CCNY: variants seen among roughly 807,000 people sequenced by gnomAD.
The protein encoded by CCNY is cyclin-Y.
A neutral mutation model predicts 42.8 loss-of-function variants in CCNY; 19 were observed. The observed-to-expected ratio is 0.44, with a 90% CI of 0.31 to 0.65. The LOEUF (loss-of-function observed/expected upper bound fraction) is 0.65, where lower values mean the gene tolerates loss of function less well. CCNY is among the 30% of genes least tolerant of loss of function. The pLI is 0.07. For synonymous variants in CCNY, 165 were observed against 162.7 expected (o/e 1.01, Z -0.11); for missense variants, 370 against 437.3 (o/e 0.85, Z 1.37).
At position 35,328,083 on chromosome 10, in the gene CCNY, C is replaced by T. The variant is rs139733272; in HGVS notation, c.-9+77457C>T. On this transcript the variant is annotated intron_variant, in intron 3 of 11. Coordinates refer to the CCNY transcript ENST00000374706. Reference sequence around the variant, plus strand: ...TTTGATGTGTGAATATTCCAAATACCACTTCTCAAAGACAAAATGAGATTT... The same window carrying T: ...TTTGATGTGTGAATATTCCAAATACTACTTCTCAAAGACAAAATGAGATTT... 2.0e-5 allele frequency among the ~76,000 whole-genome samples: 3 copies of T among 152,240 alleles called. No individual in the cohort carries two copies. In the East Asian group the frequency reaches 5.8e-4, roughly 29 times the overall value.
chr10:35,265,200 C>T (rs2095723983), intron 3 of CCNY, among the ~76,000 whole-genome samples: 1 of 152,168 alleles, frequency 6.6e-6, no homozygotes, highest in African/African-American at 2.4e-5. Context: ...CAATGAAAAT[C>T]TTCACAATCA....
At chr10:35,453,619 A>G (rs1302081393) in intron 1 of CCNY, among the ~76,000 whole-genome samples, 1 of 152,228 alleles carries the variant, frequency 6.6e-6, no homozygotes, top group African/African-American at 2.4e-5. Flanking sequence ...TGCTTATTGG[A>G]TATCTAAGTT....
chr10:35,347,336 G>C, intron 1 of CCNY: 1 of 438,600 alleles, frequency 2.3e-6, no homozygotes, highest in Non-Finnish European at 3.0e-6. Context: ...ATCCGTGCCA[G>C]TTTGCTTTGT....
chr10:35,306,057 C>A (rs1284548801), intron 3 of CCNY, among the ~76,000 whole-genome samples: 1 of 152,090 alleles, frequency 6.6e-6, no homozygotes, highest in East Asian at 1.9e-4. Flanking sequence ...TTATGAGAGA[C>A]AGAGTCTCAC....
intron 3 of CCNY, among the ~76,000 whole-genome samples, chr10:35,330,724 A>C (rs1179381670): frequency 6.6e-6 from 1 of 151,738 alleles, no homozygotes; most frequent in East Asian, 1.9e-4. Context: ...TATCCTGACC[A>C]TACTCCAAGA....
At chr10:35,328,540 T>G (rs1331979800) in intron 3 of CCNY, among the ~76,000 whole-genome samples, 1 of 152,234 alleles carries the variant, frequency 6.6e-6, no homozygotes, top group East Asian at 1.9e-4. Flanking sequence ...ACTCTGTGGT[T>G]TGTGATACTC....
At chr10:35,444,456 C>G (rs117531114) in intron 1 of CCNY, among the ~76,000 whole-genome samples, 2 of 152,164 alleles carry the variant, frequency 1.3e-5, no homozygotes, top group Admixed American at 1.3e-4. Flanking sequence ...CCATGTTGGT[C>G]TGGCTGGTGT....
chr10:35,375,019 G>A (rs1163482444), intron 1 of CCNY, among the ~76,000 whole-genome samples: 1 of 152,042 alleles, frequency 6.6e-6, no homozygotes, highest in East Asian at 1.9e-4. Context: ...TCTATCTTAT[G>A]AAATGAGTTG....
At chr10:35,455,379 C>T (rs1239220438) in intron 1 of CCNY, 1 of 152,112 alleles carries the variant, frequency 6.6e-6, no homozygotes, top group Non-Finnish European at 1.5e-5. Flanking sequence ...ACTAGAGGGC[C>T]CTGCCTCCAC....
intron 3 of CCNY, among the ~76,000 whole-genome samples, chr10:35,255,241 G>A (rs1047374178): frequency 2.6e-5 from 4 of 151,828 alleles, no homozygotes; most frequent in African/African-American, 9.7e-5. Context: ...TCCTAGAACT[G>A]TTTATTTCTC....
chr10:35,364,510 G>T (rs770251807), intron 1 of CCNY, among the ~76,000 whole-genome samples: 1 of 152,188 alleles, frequency 6.6e-6, no homozygotes, highest in Non-Finnish European at 1.5e-5. Context: ...AAATAGTGTT[G>T]TGGTGGGGGC....
rs559137048 is a variant in CCNY at position 35,254,020 on chromosome 10, C to G, written c.-9+3394C>G. On this transcript the variant is annotated intron_variant, in intron 3 of 11. Coordinates refer to the CCNY transcript ENST00000374706. ...CCTCCTGAGTAGCTGGGACTACGGGCGCCCGCCACCATGCCCAGCTAATTT... is the reference window on the plus strand; with the variant it reads ...CCTCCTGAGTAGCTGGGACTACGGGGGCCCGCCACCATGCCCAGCTAATTT... Among the ~76,000 whole-genome samples the G allele has an allele frequency of 3.2e-3, 478 of 149,486 alleles. 1 individual carries two copies. Among genetic ancestry groups the G allele is most frequent in the Middle Eastern group, 6.9e-3 (2 of 288 alleles).
At chr10:35,384,211 T>G (rs1039205888) in intron 1 of CCNY, among the ~76,000 whole-genome samples, 1 of 151,926 alleles carries the variant, frequency 6.6e-6, no homozygotes, top group Non-Finnish European at 1.5e-5. Flanking sequence ...TGACGGGGAT[T>G]AAAAAAAACA....
At chr10:35,466,916 G>T (rs552406239) in intron 1 of CCNY, among the ~76,000 whole-genome samples, 1 of 152,306 alleles carries the variant, frequency 6.6e-6, no homozygotes, top group South Asian at 2.1e-4. Context: ...GGGACTAGAC[G>T]CCTGCACCAG....
chr10:35,429,365 A>G (rs946906005), intron 1 of CCNY, among the ~76,000 whole-genome samples: 3 of 152,258 alleles, frequency 2.0e-5, no homozygotes, highest in Non-Finnish European at 4.4e-5. Flanking sequence ...TTATCTTAAA[A>G]TGAATAAAGA....
intron 3 of CCNY, among the ~76,000 whole-genome samples, chr10:35,513,050 CT>C (rs1315111486): frequency 6.6e-6 from 1 of 152,060 alleles, no homozygotes; most frequent in Non-Finnish European, 1.5e-5. Context: ...CATGATAACT[CT>C]TCAATAAAAT....
chr10:35,275,345 C>T (rs1469162859), intron 3 of CCNY, among the ~76,000 whole-genome samples: 6 of 151,602 alleles, frequency 4.0e-5, no homozygotes, highest in East Asian at 4.0e-4. Flanking sequence ...GGATTATGTG[C>T]GTGAGCCACT....
rs113069550 is a variant in CCNY, at chr10:35,548,292, G to GTATATA, written c.580-4713_580-4708dup. Reference sequence around the variant, plus strand: ...CATAAATATAAATATATATATTTATGTATATATATATATATATATTTTATG... The same window carrying GTATATA: ...CATAAATATAAATATATATATTTATGTATATATATATATATATATATATATTTTATG... On this transcript the variant is annotated intron_variant, in intron 7 of 9. Coordinates refer to ENST00000374704, the MANE Select transcript of CCNY (RefSeq NM_145012.6). 5.1e-3 allele frequency among the ~76,000 whole-genome samples: 727 copies of GTATATA among 143,810 alleles called. 3 individuals carry two copies. The highest frequency in any genetic ancestry group is 0.018 in the African/African-American group (701 of 39,370). The allele number at this position is 143,810 out of a possible 152,430, so 94.3% of individuals were successfully genotyped here.
intron 1 of CCNY, among the ~76,000 whole-genome samples, chr10:35,360,051 C>G (rs115053602): frequency 6.6e-6 from 1 of 152,114 alleles, no homozygotes; most frequent in Non-Finnish European, 1.5e-5. Context: ...TGGTGATTGT[C>G]GATAATGCCG....
Sources: allele counts gnomAD v4.1 joint callset (sites outside exome capture counted in the v4.1 genomes callset), GRCh38; gene constraint gnomAD v4.1.1; transcripts MANE v1.5; gene names NCBI Gene and HGNC (gene_info 2026-07-23, HGNC 2026-07-21).